Variants in MICAL3 observed in about 807,000 individuals in gnomAD.
The protein encoded by MICAL3 is [F-actin]-monooxygenase MICAL3.
Under a neutral mutation model 207.4 loss-of-function variants are expected in MICAL3, and 62 were observed. The observed-to-expected ratio is 0.30, with a 90% CI of 0.24 to 0.37. The LOEUF (loss-of-function observed/expected upper bound fraction) is 0.37, where lower values mean the gene tolerates loss of function less well. Among genes scored for constraint, MICAL3 ranks in the 10% least tolerant of loss-of-function variants. The probability of loss-of-function intolerance (pLI) is 1.00; values close to 1 mark genes in which losing one functional copy is unlikely to be tolerated. For synonymous variants in MICAL3, 1,077 were observed against 1,069.3 expected (o/e 1.01, Z -0.14); for missense variants, 2,368 against 2,635.6 (o/e 0.90, Z 2.22).
intron 16 of MICAL3, among the ~76,000 whole-genome samples, chr22:17,877,531 G>C (rs62240576): frequency 3.1e-5 from 4 of 130,516 alleles, no homozygotes; most frequent in African/African-American, 9.1e-5. Context: ...AGGGAGGTGA[G>C]GGAGGTTATG....
chr22:17,927,334 A>G (rs954520901), intron 1 of MICAL3, among the ~76,000 whole-genome samples: 1 of 152,162 alleles, frequency 6.6e-6, no homozygotes, highest in Non-Finnish European at 1.5e-5. Flanking sequence ...TCACCCATCA[A>G]TGGACAACTG....
intron 5 of MICAL3, among the ~76,000 whole-genome samples, chr22:17,901,355 G>C (rs1931301123): frequency 6.6e-6 from 1 of 152,146 alleles, no homozygotes; most frequent in Non-Finnish European, 1.5e-5. Context: ...TGGTCTCCTA[G>C]TGCCTCAGCA....
chr22:17,911,157 G>A (rs1932116326), intron 1 of MICAL3, among the ~76,000 whole-genome samples: 2 of 152,170 alleles, frequency 1.3e-5, no homozygotes, highest in African/African-American at 4.8e-5. Context: ...TGTGGAGGAT[G>A]GCACTGCAGA....
At chr22:17,996,525 T>A (rs1233175624) in intron 1 of MICAL3, among the ~76,000 whole-genome samples, 1 of 151,978 alleles carries the variant, frequency 6.6e-6, no homozygotes, top group Non-Finnish European at 1.5e-5. Flanking sequence ...TTTTGTGTCT[T>A]TATAGCTAGA....
chr22:17,877,441 G>T (rs369327526), intron 16 of MICAL3, among the ~76,000 whole-genome samples: 3 of 102,624 alleles, frequency 2.9e-5, no homozygotes, highest in Admixed American at 2.7e-4. Context: ...ATGGAGGTGA[G>T]GGAGGTTATG....
At chr22:17,802,633 C>G (rs746340900) in intron 29 of MICAL3, among the ~76,000 whole-genome samples, 40 of 152,132 alleles carry the variant, frequency 2.6e-4, no homozygotes, top group Admixed American at 1.0e-3. Context: ...GTGAGAGCCC[C>G]GCCTTGGACG....
At chr22:18,018,046 C>T (rs1569169011) in intron 1 of MICAL3, among the ~76,000 whole-genome samples, 1 of 150,334 alleles carries the variant, frequency 6.7e-6, no homozygotes, top group Non-Finnish European at 1.5e-5. Context: ...CCGCGCCCGG[C>T]CGTATTTTTA....
rs1279808360 is a variant in MICAL3 at position 18,018,819 on chromosome 22, CTG to C, written c.-75+5460_-75+5461del. Among the ~76,000 whole-genome samples the C allele has an allele frequency of 3.3e-5, 5 of 152,150 alleles. No individual in the cohort carries two copies. In the East Asian group the frequency reaches 7.7e-4, roughly 23 times the overall value. ...ACACACACACACACAGTATACAAAA[CTG>C]AAACACAAATCTCAGGACACAAATC... On this transcript the variant is annotated intron_variant, in intron 1 of 31. Coordinates refer to ENST00000441493, the MANE Select transcript of MICAL3 (RefSeq NM_015241.3).
Position 17,889,161 on chromosome 22 carries a change from C to T in MICAL3, c.1764G>A (p.Lys588=), listed in dbSNP as rs1930186570. The stretch of plus-strand genomic sequence containing the variant: ...TCATGATGGGAGAAATGCCCAATTC[C>T]TTCTCAGCAATGTCAAAGGCCAGTT... ...NNQLAFDIAE[K]ELGISPIMTG... Residue 588 remains lysine, a synonymous_variant, in exon 13 of 32, where the codon AAG becomes AAA. Transcript: ENST00000441493. 1.2e-6 allele frequency: 2 copies of T among 1,613,964 alleles called. No individual in the cohort carries two copies. Among genetic ancestry groups the T allele is most frequent in the Non-Finnish European group, 8.5e-7 (1 of 1,179,832 alleles).
At chr22:17,901,750 C>G in intron 5 of MICAL3, 128 bp downstream of exon 5, 1 of 558,416 alleles carries the variant, frequency 1.8e-6, no homozygotes, top group Non-Finnish European at 3.1e-6. Context: ...GCCATTCCAT[C>G]AGGGCAGGAA....
chr22:17,881,464 C>T (rs568799935), intron 16 of MICAL3, among the ~76,000 whole-genome samples: 2 of 152,280 alleles, frequency 1.3e-5, no homozygotes, highest in African/African-American at 4.8e-5. Flanking sequence ...TCCCGTGGGC[C>T]CCCAGGTGGG....
At chr22:17,901,021 G>A in intron 5 of MICAL3, 24 bp from the exon 6 acceptor site, 4 of 1,612,416 alleles carry the variant, frequency 2.5e-6, no homozygotes, top group Non-Finnish European at 3.4e-6. Flanking sequence ...AATTTTCAGA[G>A]GTGATAATCA....
At chr22:17,943,035 C>G (rs1311517555) in intron 1 of MICAL3, among the ~76,000 whole-genome samples, 2 of 152,244 alleles carry the variant, frequency 1.3e-5, no homozygotes, top group Non-Finnish European at 2.9e-5. Context: ...ATGCTGACAG[C>G]AGGAAGAATT....
At position 17,891,488 on chromosome 22, in the gene MICAL3, A is replaced by T; in HGVS notation, c.1691T>A (p.Leu564Gln). 2 of 1,613,854 alleles carry T rather than the reference A, an allele frequency of 1.2e-6. No homozygotes were observed. Among genetic ancestry groups the T allele is most frequent in the Non-Finnish European group, 1.7e-6 (2 of 1,179,744 alleles). ...CAIIHRYRPD[L>Q]IDFDSLDEQN... ...ACAAAGTTTGATCACAACTTACATC[A>T]GGTCAGGGCGGTATCTATGGATAAT... Residue 564 changes from leucine (L) to glutamine (Q), a missense_variant, in exon 12 of 32, where the codon CTG becomes CAG. Around this residue, in one of 4 missense-constraint regions of MICAL3, gnomAD observed 51 missense variants for 87.8 expected, o/e 0.58. Coordinates refer to ENST00000441493, the MANE Select transcript of MICAL3 (RefSeq NM_015241.3).
At chr22:17,846,517 G>A (rs1924647768) in intron 19 of MICAL3, among the ~76,000 whole-genome samples, 1 of 152,176 alleles carries the variant, frequency 6.6e-6, no homozygotes, top group African/African-American at 2.4e-5. Flanking sequence ...TAGTGAGAGC[G>A]GTAACAGCAG....
chr22:17,979,381 C>T (rs1026057312), intron 1 of MICAL3, among the ~76,000 whole-genome samples: 4 of 151,770 alleles, frequency 2.6e-5, no homozygotes, highest in Admixed American at 6.6e-5. Context: ...CCCGTCTCTA[C>T]TAAAAATACA....
intron 11 of MICAL3, among the ~76,000 whole-genome samples, chr22:17,892,986 AC>A (rs1302317432): frequency 4.6e-5 from 7 of 152,110 alleles, no homozygotes; most frequent in Admixed American, 2.6e-4. Flanking sequence ...ACCATCCACC[AC>A]AGGCCCGGCA....
At chr22:17,874,769 A>T (rs1050739903) in intron 16 of MICAL3, among the ~76,000 whole-genome samples, 3 of 152,200 alleles carry the variant, frequency 2.0e-5, no homozygotes, top group Non-Finnish European at 2.9e-5. Flanking sequence ...CATGGGAAAT[A>T]CCAGTAGGAG....
intron 19 of MICAL3, 60 bp downstream of exon 19, chr22:17,864,839 C>G: frequency 1.2e-6 from 2 of 1,613,908 alleles, no homozygotes; most frequent in Non-Finnish European, 1.7e-6. Flanking sequence ...ATGCCCTTGG[C>G]CTTGTCACAG....
Sources: allele counts gnomAD v4.1 joint callset (sites outside exome capture counted in the v4.1 genomes callset), GRCh38; gene constraint gnomAD v4.1.1; regional missense constraint gnomAD v4.1.1; transcripts MANE v1.5; gene names NCBI Gene and HGNC (gene_info 2026-07-23, HGNC 2026-07-21).